Variants in MARCHF1 observed in about 807,000 individuals in gnomAD.
MARCHF1 encodes membrane associated ring-CH-type finger 1, also known as E3 ubiquitin-protein ligase MARCHF1.
A neutral mutation model predicts 54.2 loss-of-function variants in MARCHF1; 40 were observed. The observed-to-expected ratio is 0.74, with a 90% CI of 0.57 to 0.96. The LOEUF is 0.96. Among genes scored for constraint, MARCHF1 ranks in the 40% least tolerant of loss-of-function variants. The probability of loss-of-function intolerance (pLI) is 0.00; values close to 1 mark genes in which losing one functional copy is unlikely to be tolerated. For synonymous variants in MARCHF1, 236 were observed against 236.3 expected, an observed-to-expected ratio of 1.00 and a Z score of 0.01; for missense variants, 586 against 656.5, an observed-to-expected ratio of 0.89 and a Z score of 1.17.
intron 1 of MARCHF1, among the ~76,000 whole-genome samples, chr4:164,362,325 G>A (rs1730744732): frequency 6.6e-6 from 1 of 152,088 alleles, no homozygotes; most frequent in Non-Finnish European, 1.5e-5. Context: ...TACTTGTACT[G>A]TTAGAGGAAA....
chr4:163,907,749 C>T (rs1021037772), intron 3 of MARCHF1, among the ~76,000 whole-genome samples: 1 of 152,072 alleles, frequency 6.6e-6, no homozygotes, highest in Non-Finnish European at 1.5e-5. Flanking sequence ...CCTATCTAGA[C>T]ACTAAATCAA....
At position 164,067,771 on chromosome 4, in the gene MARCHF1, C is replaced by T. The variant is rs1754760578; in HGVS notation, c.-248+43817G>A. ...AAAGAGCTCCTGCACGGCAATGAAACTATCAATAGACAGTCTTCAAAATGG... is the reference window on the plus strand; with the variant it reads ...AAAGAGCTCCTGCACGGCAATGAAATTATCAATAGACAGTCTTCAAAATGG... On this transcript the variant is annotated intron_variant, in intron 2 of 9. Coordinates refer to ENST00000514618, the MANE Select transcript of MARCHF1 (RefSeq NM_001394959.1). 3.3e-5 allele frequency among the ~76,000 whole-genome samples: 5 copies of T among 152,162 alleles called. No homozygotes were observed. The South Asian group carries it at 1.0e-3, about 32-fold the overall frequency.
chr4:163,969,283 A>C (rs1752502663), intron 3 of MARCHF1, among the ~76,000 whole-genome samples: 1 of 152,342 alleles, frequency 6.6e-6, no homozygotes, highest in South Asian at 2.1e-4. Context: ...TTCAAGTAAG[A>C]AAAATGTAAA....
intron 3 of MARCHF1, among the ~76,000 whole-genome samples, chr4:163,912,389 G>T (rs1751212187): frequency 6.6e-6 from 1 of 152,136 alleles, no homozygotes; most frequent in Non-Finnish European, 1.5e-5. Context: ...ACTCCCTAAA[G>T]AACCAGCGAT....
chr4:163,979,026 T>G (rs2110861141), intron 3 of MARCHF1, among the ~76,000 whole-genome samples: 1 of 151,242 alleles, frequency 6.6e-6, no homozygotes, highest in Admixed American at 6.6e-5. Context: ...ATTCTTTTTT[T>G]TTTTTTTTTT....
Position 164,343,507 on chromosome 4 carries a change from C to G in MARCHF1, c.-323+40363G>C, listed in dbSNP as rs535873418. Among the ~76,000 whole-genome samples the G allele has an allele frequency of 9.9e-5, 15 of 152,086 alleles. No homozygotes were observed. In the South Asian group the frequency reaches 1.5e-3, roughly 15 times the overall value. ...ATTGAGAATCTGTAAGGAACTTAAA[C>G]AAATTAACAAGCAAAAAATTAATAA... is the stretch of plus-strand genomic sequence containing the variant. On this transcript the variant is annotated intron_variant, in intron 1 of 9. Coordinates refer to ENST00000514618, the MANE Select transcript of MARCHF1 (RefSeq NM_001394959.1).
chr4:163,905,720 G>T (rs1294746789), intron 3 of MARCHF1, among the ~76,000 whole-genome samples: 1 of 152,018 alleles, frequency 6.6e-6, no homozygotes, highest in Non-Finnish European at 1.5e-5. Context: ...ATTATGAGGT[G>T]CAGGAAGACT....
At chr4:163,854,405 C>G (rs1157193332) in intron 3 of MARCHF1, among the ~76,000 whole-genome samples, 3 of 152,110 alleles carry the variant, frequency 2.0e-5, no homozygotes, top group African/African-American at 7.2e-5. Flanking sequence ...TTTTATATCT[C>G]TCTTTGTGAC....
intron 2 of MARCHF1, among the ~76,000 whole-genome samples, chr4:164,077,086 AAAAGAAC>A (rs1169336195): frequency 2.0e-5 from 3 of 152,192 alleles, no homozygotes; most frequent in Admixed American, 1.3e-4. Context: ...ATCCTAAGGA[AAAAGAAC>A]AAAGCTGGAG....
At chr4:163,909,915 G>A (rs1751152846) in intron 3 of MARCHF1, among the ~76,000 whole-genome samples, 1 of 152,074 alleles carries the variant, frequency 6.6e-6, no homozygotes, top group Non-Finnish European at 1.5e-5. Context: ...AGTACATTGA[G>A]AAAACATTTC....
chr4:164,178,180 T>A (rs1730740388), intron 1 of MARCHF1, among the ~76,000 whole-genome samples: 1 of 152,220 alleles, frequency 6.6e-6, no homozygotes, highest in Non-Finnish European at 1.5e-5. Flanking sequence ...AGTTACATCA[T>A]CTTGTTTGTA....
At chr4:164,089,555 A>G (rs1398525651) in intron 2 of MARCHF1, among the ~76,000 whole-genome samples, 2 of 152,102 alleles carry the variant, frequency 1.3e-5, no homozygotes, top group East Asian at 1.9e-4. Context: ...TAAATTATAC[A>G]CACTAAATAT....
At chr4:163,637,154 C>T (rs576436649) in intron 5 of MARCHF1, among the ~76,000 whole-genome samples, 127 of 152,070 alleles carry the variant, frequency 8.4e-4, no homozygotes, top group African/African-American at 3.0e-3. Flanking sequence ...TAGAAGAAAA[C>T]CTAGGCTTTA....
chr4:164,373,599 C>A (rs1018117626), intron 1 of MARCHF1, among the ~76,000 whole-genome samples: 7 of 151,978 alleles, frequency 4.6e-5, no homozygotes, highest in African/African-American at 1.4e-4. Flanking sequence ...CAGTGGCCTG[C>A]CTGCTTTGGC....
chr4:163,780,304 C>G (rs1477667989), intron 4 of MARCHF1, among the ~76,000 whole-genome samples: 1 of 152,204 alleles, frequency 6.6e-6, no homozygotes, highest in African/African-American at 2.4e-5. Flanking sequence ...GTCAAATTAG[C>G]TTATCAAGGG....
At chr4:163,740,786 G>A (rs751590585) in intron 4 of MARCHF1, among the ~76,000 whole-genome samples, 2 of 151,794 alleles carry the variant, frequency 1.3e-5, no homozygotes, top group Non-Finnish European at 2.9e-5. Context: ...ATGCGTTTGA[G>A]TTGTTTTTAC....
intron 7 of MARCHF1, among the ~76,000 whole-genome samples, chr4:163,589,153 C>T (rs967605223): frequency 6.6e-6 from 1 of 151,220 alleles, no homozygotes. Flanking sequence ...CTACAGGCAC[C>T]AAAAAGATTT....
chr4:164,187,219 G>A (rs942099524), intron 1 of MARCHF1, among the ~76,000 whole-genome samples: 2 of 151,722 alleles, frequency 1.3e-5, no homozygotes, highest in Non-Finnish European at 2.9e-5. Flanking sequence ...GCTGTTGTGG[G>A]GACAGGGAGT....
chr4:163,610,748 C>T (rs1259435883), intron 7 of MARCHF1, among the ~76,000 whole-genome samples: 1 of 151,986 alleles, frequency 6.6e-6, no homozygotes, highest in East Asian at 1.9e-4. Flanking sequence ...TTTGTAAATC[C>T]CTTTTAAGTC....
Sources: gnomAD v4.1 joint callset for allele counts (sites outside exome capture counted in the v4.1 genomes callset) on GRCh38, gnomAD v4.1.1 for gene constraint, MANE v1.5 for transcripts, NCBI Gene and HGNC (gene_info 2026-07-23, HGNC 2026-07-21) for gene names.